PDIA5: variants seen among roughly 807,000 people sequenced by gnomAD.
PDIA5 encodes protein disulfide-isomerase A5.
PDIA5 carries 58 observed loss-of-function variants against 77.6 expected under a neutral mutation model. That is an observed-to-expected ratio of 0.75 (90% CI 0.61 to 0.93). PDIA5 has a LOEUF of 0.93. PDIA5 is among the 40% of genes least tolerant of loss of function. PDIA5 has a pLI of 0.00. For missense variants in PDIA5, 630 were observed against 647.7 expected (o/e 0.97, Z 0.30); for synonymous variants, 250 against 252.1 (o/e 0.99, Z 0.08).
intron 14 of PDIA5, among the ~76,000 whole-genome samples, chr3:123,151,709 T>G (rs1935896490): frequency 1.3e-5 from 2 of 151,374 alleles, no homozygotes; most frequent in Admixed American, 6.6e-5. Flanking sequence ...CCTTTTGGGC[T>G]GCCAAAGATC....
intron 14 of PDIA5, among the ~76,000 whole-genome samples, chr3:123,154,328 C>G (rs1935973338): frequency 2.0e-5 from 3 of 152,196 alleles, no homozygotes; most frequent in Non-Finnish European, 4.4e-5. Flanking sequence ...TAGCTCCTCT[C>G]CCTCTTACCC....
intron 5 of PDIA5, among the ~76,000 whole-genome samples, chr3:123,104,726 G>A (rs1934688691): frequency 6.6e-6 from 1 of 152,234 alleles, no homozygotes; most frequent in Non-Finnish European, 1.5e-5. Flanking sequence ...GAGGTGCCTG[G>A]CAGTCTGGAT....
At chr3:123,113,327 G>A (rs1056806185) in intron 7 of PDIA5, among the ~76,000 whole-genome samples, 3 of 152,178 alleles carry the variant, frequency 2.0e-5, no homozygotes, top group African/African-American at 4.8e-5. Context: ...GTTTGCGCCC[G>A]TGTGCTGTGC....
intron 3 of PDIA5, among the ~76,000 whole-genome samples, chr3:123,096,180 C>T (rs1393769969): frequency 6.6e-6 from 1 of 151,938 alleles, no homozygotes; most frequent in Non-Finnish European, 1.5e-5. Context: ...CCAGGACTCC[C>T]CCTGCACCGC....
chr3:123,104,311 G>A (rs550897020), intron 5 of PDIA5, among the ~76,000 whole-genome samples: 1 of 152,330 alleles, frequency 6.6e-6, no homozygotes, highest in South Asian at 2.1e-4. Context: ...GTTCTTCAGG[G>A]CAGAGGGAAG....
At chr3:123,080,631 A>G (rs79249053) in intron 1 of PDIA5, among the ~76,000 whole-genome samples, 3,614 of 152,330 alleles carry the variant, frequency 0.024, 60 homozygotes, top group East Asian at 0.058. Flanking sequence ...CTCCTTCCTT[A>G]TAAATAACAT....
At chr3:123,128,979 G>A (rs777392175) in intron 10 of PDIA5, among the ~76,000 whole-genome samples, 6 of 152,184 alleles carry the variant, frequency 3.9e-5, no homozygotes, top group African/African-American at 7.2e-5. Context: ...TCAGTGCATA[G>A]AGAACATCAT....
At chr3:123,157,987 C>T (rs1411825931) in intron 15 of PDIA5, among the ~76,000 whole-genome samples, 1 of 152,194 alleles carries the variant, frequency 6.6e-6, no homozygotes, top group Non-Finnish European at 1.5e-5. Context: ...GGGGCCCCAC[C>T]TCTGCCATGG....
At chr3:123,068,540 G>A (rs1313706187) in intron 1 of PDIA5, among the ~76,000 whole-genome samples, 1 of 152,206 alleles carries the variant, frequency 6.6e-6, no homozygotes, top group Non-Finnish European at 1.5e-5. Context: ...CTCTGGGCCA[G>A]GAGGAGGGAG....
chr3:123,084,968 CT>C (rs1934098448), intron 1 of PDIA5, among the ~76,000 whole-genome samples: 1 of 152,188 alleles, frequency 6.6e-6, no homozygotes, highest in Admixed American at 6.5e-5. Flanking sequence ...GCTTCCCACT[CT>C]CTTCCTGCAC....
intron 14 of PDIA5, among the ~76,000 whole-genome samples, chr3:123,152,123 T>TCCTTCCTGCCTTCCTTCCTG (rs1935928694): frequency 1.1e-5 from 1 of 91,490 alleles, no homozygotes; most frequent in African/African-American, 4.5e-5. Flanking sequence ...CTTCCTTCCT[T>TCCTTCCTGCCTTCCTTCCTG]CCTGCCTTCC....
At chr3:123,092,251 C>T (rs550297275) in intron 2 of PDIA5, 104 bp from the exon 3 acceptor site, 1 of 851,580 alleles carries the variant, frequency 1.2e-6, no homozygotes, top group Non-Finnish European at 1.9e-6. Context: ...TTCTCCACCC[C>T]CTCTAGGATT....
At chr3:123,155,129 G>A (rs935972403) in intron 15 of PDIA5, 88 bp downstream of exon 15, 1 of 935,566 alleles carries the variant, frequency 1.1e-6, no homozygotes, top group Non-Finnish European at 1.8e-6. Flanking sequence ...CCCAAACAGG[G>A]GCAGGTCTGC....
intron 11 of PDIA5, among the ~76,000 whole-genome samples, chr3:123,135,438 C>T (rs1935476564): frequency 6.6e-6 from 1 of 152,172 alleles, no homozygotes; most frequent in African/African-American, 2.4e-5. Flanking sequence ...TGGCTCTACC[C>T]TTGCCTACCC....
chr3:123,144,163 G>A (rs1935705704), intron 11 of PDIA5, among the ~76,000 whole-genome samples: 1 of 152,180 alleles, frequency 6.6e-6, no homozygotes, highest in African/African-American at 2.4e-5. Context: ...TCAGCTGGAG[G>A]CAGGAAAGCC....
At chr3:123,129,700 TC>T (rs1935329196) in intron 10 of PDIA5, among the ~76,000 whole-genome samples, 1 of 152,128 alleles carries the variant, frequency 6.6e-6, no homozygotes, top group Non-Finnish European at 1.5e-5. Context: ...CCTGCGAGCC[TC>T]CCTCCTCCTA....
At chr3:123,136,628 A>G in intron 11 of PDIA5, among the ~76,000 whole-genome samples, 1 of 147,526 alleles carries the variant, frequency 6.8e-6, no homozygotes. Flanking sequence ...AGTCCCAGCT[A>G]CTTGGGAGGC....
chr3:123,090,783 C>G (rs1934264867), intron 2 of PDIA5, among the ~76,000 whole-genome samples: 1 of 152,172 alleles, frequency 6.6e-6, no homozygotes, highest in Non-Finnish European at 1.5e-5. Flanking sequence ...CTCTCTTTCC[C>G]TCACCCGACC....
intron 3 of PDIA5, among the ~76,000 whole-genome samples, chr3:123,093,605 T>C (rs1281613849): frequency 6.6e-6 from 1 of 152,200 alleles, no homozygotes; most frequent in African/African-American, 2.4e-5. Context: ...CCTGGGTCCA[T>C]GTAACAGACA....
Sources: gnomAD v4.1 joint callset for allele counts (sites outside exome capture counted in the v4.1 genomes callset) on GRCh38, gnomAD v4.1.1 for gene constraint, MANE v1.5 for transcripts, NCBI Gene and HGNC (gene_info 2026-07-23, HGNC 2026-07-21) for gene names.